The following REM1 variants were observed in gnomAD, a reference collection of about 807,000 sequenced individuals.
REM1 encodes the protein GTP-binding protein REM 1.
REM1 carries 20 observed loss-of-function variants against 27.0 expected under a neutral mutation model. The ratio of observed to expected loss-of-function variants is 0.74; its 90% CI spans 0.52 to 1.08. The LOEUF (loss-of-function observed/expected upper bound fraction) is 1.08. REM1 is among the 50% of genes least tolerant of loss of function. The pLI is 0.00. For synonymous variants in REM1, 159 were observed against 167.9 expected (o/e 0.95, Z 0.41); for missense variants, 405 against 407.0 (o/e 1.00, Z 0.04).
intron 2 of REM1, among the ~76,000 whole-genome samples, chr20:31,477,553 G>C (rs991337200): frequency 6.6e-6 from 1 of 152,178 alleles, no homozygotes; most frequent in Non-Finnish European, 1.5e-5. Flanking sequence ...ATCAGAGACA[G>C]AGCAGGCCTG....
In REM1 at chr20:31,482,364, C is replaced by A. The variant is rs61754064; in HGVS notation, c.501C>A (p.Gly167=). 1,034 of 1,614,196 alleles carry A rather than the reference C, an allele frequency of 6.4e-4. No individual in the cohort carries two copies. Among genetic ancestry groups the A allele is most frequent in the Non-Finnish European group, 8.1e-4 (961 of 1,180,030 alleles). ...TCGTATACTCCATCGCAGACCGAGG[C>A]AGCTTTGAGAGTGCCTCTGAGCTCC... ...YVIVYSIADR[G]SFESASELRI... is the part of the protein sequence containing the mutation. Residue 167 remains glycine, a synonymous_variant, in exon 4 of 5, where the codon GGC becomes GGA. Transcript: ENST00000201979.
chr20:31,482,379 C>T lies in REM1; in HGVS notation c.516C>T (p.Ala172=), dbSNP rs1438070352. 1 of 1,614,166 alleles carries T rather than the reference C, an allele frequency of 6.2e-7. No homozygotes were observed. Among genetic ancestry groups the T allele is most frequent in the East Asian group, 2.2e-5 (1 of 44,888 alleles). Residue 172 remains alanine (A), a synonymous_variant, in exon 4 of 5, where the codon GCC becomes GCT. Coordinates refer to ENST00000201979, the MANE Select transcript of REM1 (RefSeq NM_014012.6). ...SIADRGSFES[A]SELRIQLRRT... ...CAGACCGAGGCAGCTTTGAGAGTGC[C>T]TCTGAGCTCCGCATCCAGCTGCGGC...
chr20:31,484,628 C>A lies in REM1; in HGVS notation c.*198C>A. The A allele has an allele frequency of 1.5e-6, 1 of 662,134 alleles. No homozygotes were observed. The highest frequency in any genetic ancestry group is 2.3e-6 in the Non-Finnish European group (1 of 432,214). 41.0% of individuals were successfully genotyped at this position (662,134 alleles called of 1,614,324 possible). ...GCGATGGACAGACAGACGATGGGGC[C>A]GAAGCCCCAAGCTGGGCACAAAGTA... On this transcript the variant is annotated 3_prime_UTR_variant, in exon 5 of 5. Coordinates refer to ENST00000201979, the MANE Select transcript of REM1 (RefSeq NM_014012.6).
chr20:31,475,849 G>A lies in REM1; in HGVS notation c.-219-378G>A, dbSNP rs1008728474. ...CCCCCATACCCCCCTCGCGCTTCTG[G>A]AGTGCCAACCCGCCCTCCTGCCTCT... On this transcript the variant is annotated intron_variant, in intron 1 of 4. Coordinates refer to ENST00000201979, the MANE Select transcript of REM1 (RefSeq NM_014012.6). The surrounding 1 kb of genome is among the most constrained non-coding windows in gnomAD (Gnocchi z 5.0). Among the ~76,000 whole-genome samples the A allele has an allele frequency of 6.6e-6, 1 of 152,220 alleles. No homozygotes were observed. The highest frequency in any genetic ancestry group is 2.4e-5 in the African/African-American group (1 of 41,452).
intron 3 of REM1, among the ~76,000 whole-genome samples, chr20:31,478,746 G>A (rs940236782): frequency 6.6e-5 from 10 of 151,912 alleles, no homozygotes; most frequent in South Asian, 4.1e-4. Context: ...AGACCAGAGC[G>A]GTTAAATAAT....
rs1980506957 is a variant in REM1 at position 31,476,496 on chromosome 20, CAG to C, written c.52_53del (p.Ser18HisfsTer47). 1 of 1,612,796 alleles carries C rather than the reference CAG, an allele frequency of 6.2e-7. No homozygotes were observed. Among genetic ancestry groups the C allele is most frequent in the African/African-American group, 1.3e-5 (1 of 74,892 alleles). On this transcript the variant is annotated frameshift_variant, in exon 2 of 5. Transcript: ENST00000201979. LOFTEE classifies it high-confidence loss of function. Reference protein sequence around the residue: ...EAKTPLHRRASTPLPLSPRGH... With the variant: ...EAKTPLHRRAXTPLPLSPRGH... ...CAAAGACCCCTCTGCACCGGCGAGC[CAG>C]CACCCCACTGCCCCTGTCCCCACGG...
Position 31,484,462 on chromosome 20 carries a change from A to T in REM1, c.*32A>T, listed in dbSNP as rs772274990. On this transcript the variant is annotated 3_prime_UTR_variant, in exon 5 of 5. Transcript: ENST00000201979. ...CCGCCCTTCTGAGAGTTGGCGGGTCACTGAGGTGCATTCTGGGCTCCAGGG... is the reference window on the plus strand; with the variant it reads ...CCGCCCTTCTGAGAGTTGGCGGGTCTCTGAGGTGCATTCTGGGCTCCAGGG... 225 of 1,453,794 alleles carry T rather than the reference A, an allele frequency of 1.5e-4. No homozygotes were observed. Among genetic ancestry groups the T allele is most frequent in the Non-Finnish European group, 2.0e-4 (219 of 1,101,422 alleles). The allele number at this position is 1,453,794 out of a possible 1,614,324, so 90.1% of individuals were successfully genotyped here. A position where few individuals can be genotyped will look rare whatever the true frequency, so the allele number is the denominator to read the frequency against.
At position 31,484,016 on chromosome 20, in the gene REM1, A is replaced by C. The variant is rs1049001114; in HGVS notation, c.626-143A>C. The stretch of plus-strand genomic sequence containing the variant: ...CTGTCTTCCCTCAAAGACCAGTCTG[A>C]TTTATCTGAGTCCCCAGACAGCAGC... On this transcript the variant is annotated intron_variant, in intron 4 of 4. Transcript: ENST00000201979. 6.4e-6 allele frequency: 6 copies of C among 940,292 alleles called. No homozygotes were observed. In the Admixed American group the frequency reaches 1.0e-4, roughly 16 times the overall value. 58.2% of individuals were successfully genotyped at this position (940,292 alleles called of 1,614,324 possible).
At position 31,476,620 on chromosome 20, in the gene REM1, C is replaced by G. The variant is rs2233829; in HGVS notation, c.175C>G (p.Pro59Ala). 210 of 1,614,168 alleles carry G rather than the reference C, an allele frequency of 1.3e-4. 1 individual carries two copies. In the East Asian group the frequency reaches 4.2e-3, roughly 32 times the overall value. Residue 59 changes from proline to alanine, a missense_variant, in exon 2 of 5, where the codon CCT becomes GCT. Coordinates refer to ENST00000201979, the MANE Select transcript of REM1 (RefSeq NM_014012.6). ...CTCCCTCAACCCTCCCACCCAGAAA[C>G]CTTCACCTGCCCCAGATGATTGGTC... ...SASLNPPTQK[P>A]SPAPDDWSSE...
Position 31,476,527 on chromosome 20 carries a change from C to T in REM1, c.82C>T (p.His28Tyr). 5 of 1,614,106 alleles carry T rather than the reference C, an allele frequency of 3.1e-6. No individual in the cohort carries two copies. The highest frequency in any genetic ancestry group is 2.7e-5 in the African/African-American group (2 of 75,038). The change falls in exon 2 of 5, where the codon CAC (histidine) becomes TAC (tyrosine). Residue 28 changes from histidine to tyrosine, a missense_variant. His to Tyr is a moderately conservative substitution (Grantham distance 83). Transcript: ENST00000201979. ...STPLPLSPRG[H>Y]QPGRLSTVPS... is the part of the protein sequence containing the mutation. Reference sequence around the variant, plus strand: ...CCCACTGCCCCTGTCCCCACGGGGCCACCAGCCTGGCCGCCTGAGCACAGT... The same window carrying T: ...CCCACTGCCCCTGTCCCCACGGGGCTACCAGCCTGGCCGCCTGAGCACAGT...
chr20:31,480,037 A>T (rs59731983), intron 3 of REM1, among the ~76,000 whole-genome samples: 2 of 152,112 alleles, frequency 1.3e-5, no homozygotes, highest in Non-Finnish European at 2.9e-5. Flanking sequence ...TGCGGTAAGC[A>T]GAGATCATGC....
intron 2 of REM1, 72 bp downstream of exon 2, chr20:31,476,857 G>A (rs1351754390): frequency 1.8e-5 from 23 of 1,270,176 alleles, no homozygotes; most frequent in Non-Finnish European, 2.3e-5. Context: ...ACACAGGGCT[G>A]CCAAGAACAG....
intron 3 of REM1, among the ~76,000 whole-genome samples, chr20:31,480,224 T>TAGAC (rs1568762780): frequency 2.5e-5 from 3 of 118,930 alleles, no homozygotes; most frequent in African/African-American, 1.3e-4. Context: ...GATAGATAGA[T>TAGAC]AGATAGACAG....
chr20:31,481,798 C>T (rs1001559112), intron 3 of REM1, among the ~76,000 whole-genome samples: 1 of 152,190 alleles, frequency 6.6e-6, no homozygotes, highest in African/African-American at 2.4e-5. Context: ...ACAGTTGCTC[C>T]TTCACCTCCA....
intron 3 of REM1, among the ~76,000 whole-genome samples, chr20:31,479,729 T>C (rs1980650538): frequency 1.3e-5 from 2 of 152,140 alleles, no homozygotes; most frequent in South Asian, 4.1e-4. Flanking sequence ...CTGACAGAAT[T>C]GGATGGGCCT....
intron 3 of REM1, among the ~76,000 whole-genome samples, chr20:31,480,194 GAT>G (rs2122475807): frequency 1.2e-5 from 1 of 80,638 alleles, no homozygotes; most frequent in Admixed American, 1.1e-4. Flanking sequence ...AATAAAGATA[GAT>G]AGATAGATAG....
At chr20:31,483,046 T>A (rs1361128767) in intron 4 of REM1, among the ~76,000 whole-genome samples, 1 of 152,188 alleles carries the variant, frequency 6.6e-6, no homozygotes, top group Non-Finnish European at 1.5e-5. Flanking sequence ...ACGCCTGTAA[T>A]CCCAGCACTT....
At chr20:31,479,668 A>G (rs746382034) in intron 3 of REM1, among the ~76,000 whole-genome samples, 24 of 152,166 alleles carry the variant, frequency 1.6e-4, no homozygotes, top group Non-Finnish European at 3.1e-4. Flanking sequence ...AAAAGTATCC[A>G]TCCGTTCCGT....
At chr20:31,479,631 G>T (rs1980647054) in intron 3 of REM1, among the ~76,000 whole-genome samples, 1 of 152,090 alleles carries the variant, frequency 6.6e-6, no homozygotes, top group Non-Finnish European at 1.5e-5. Context: ...TCTCAAAGAG[G>T]GTCCAAGCAA....
Sources: allele counts gnomAD v4.1 joint callset (sites outside exome capture counted in the v4.1 genomes callset), GRCh38; gene constraint gnomAD v4.1.1; non-coding constraint Gnocchi (gnomAD v3.1); transcripts MANE v1.5; gene names NCBI Gene and HGNC (gene_info 2026-07-23, HGNC 2026-07-21).